The following PRKN variants were observed in gnomAD, a reference collection of about 807,000 sequenced individuals.
PRKN encodes E3 ubiquitin-protein ligase parkin.
A neutral mutation model predicts 59.5 loss-of-function variants in PRKN; 56 were observed. That is an observed-to-expected ratio of 0.94 (90% CI 0.76 to 1.18). PRKN has a LOEUF of 1.18. PRKN is among the 50% of genes most tolerant of loss of function. The pLI is 0.00. For synonymous variants in PRKN, 250 were observed against 222.1 expected, an observed-to-expected ratio of 1.13 and a Z score of -1.12; for missense variants, 657 against 596.4, an observed-to-expected ratio of 1.10 and a Z score of -1.06.
intron 2 of PRKN, among the ~76,000 whole-genome samples, chr6:162,438,150 A>G (rs1789871967): frequency 6.6e-6 from 1 of 152,264 alleles, no homozygotes; most frequent in East Asian, 1.9e-4. Context: ...ATATTTCTTT[A>G]TACATTCTTA....
At chr6:162,521,701 T>C (rs1022465485) in intron 1 of PRKN, among the ~76,000 whole-genome samples, 6 of 152,070 alleles carry the variant, frequency 3.9e-5, no homozygotes, top group African/African-American at 1.4e-4. Context: ...ATATAATGTA[T>C]GTATTATATG....
intron 4 of PRKN, among the ~76,000 whole-genome samples, chr6:162,107,782 G>A (rs1327039061): frequency 6.6e-6 from 1 of 152,068 alleles, no homozygotes; most frequent in African/African-American, 2.4e-5. Flanking sequence ...ACCAGGGCAG[G>A]CAAACCCCAG....
At chr6:161,778,153 T>C (rs935048195) in intron 7 of PRKN, among the ~76,000 whole-genome samples, 1 of 151,986 alleles carries the variant, frequency 6.6e-6, no homozygotes, top group South Asian at 2.1e-4. Flanking sequence ...CATGGGACAT[T>C]TGCTTCTTCC....
At chr6:161,661,966 T>C (rs1250276096) in intron 7 of PRKN, among the ~76,000 whole-genome samples, 1 of 152,030 alleles carries the variant, frequency 6.6e-6, no homozygotes, top group East Asian at 1.9e-4. Flanking sequence ...GAGGTTGCAG[T>C]GAGCCAAGAT....
chr6:161,751,388 T>G (rs1376129730), intron 7 of PRKN, among the ~76,000 whole-genome samples: 1 of 152,220 alleles, frequency 6.6e-6, no homozygotes, highest in African/African-American at 2.4e-5. Context: ...CTATCAAATA[T>G]TAAAGCCTTC....
chr6:162,247,331 AT>A (rs1446607154), intron 3 of PRKN, among the ~76,000 whole-genome samples: 1 of 152,118 alleles, frequency 6.6e-6, no homozygotes, highest in Non-Finnish European at 1.5e-5. Flanking sequence ...AGAATAGGGT[AT>A]TTTTTCCCTA....
rs995622952 is a variant in PRKN, at chr6:161,566,995, C to A, written c.933+2360G>T. ...CCTGACCACCTTATATAAAATTTCA[C>A]CTCTTCCTCCAGTATTCACTGTCCT... On this transcript the variant is annotated intron_variant, in intron 8 of 11. Coordinates refer to ENST00000366898, the MANE Select transcript of PRKN (RefSeq NM_004562.3). The surrounding 1 kb of genome is among the most constrained non-coding windows in gnomAD (Gnocchi z 4.1). Among the ~76,000 whole-genome samples, 5 of 151,258 alleles carry A rather than the reference C, an allele frequency of 3.3e-5. No individual in the cohort carries two copies. Among genetic ancestry groups the A allele is most frequent in the Non-Finnish European group, 7.4e-5 (5 of 67,936 alleles).
chr6:162,535,650 T>C (rs1778685567), intron 1 of PRKN, among the ~76,000 whole-genome samples: 1 of 152,146 alleles, frequency 6.6e-6, no homozygotes, highest in Admixed American at 6.5e-5. Flanking sequence ...GCCTCATGCC[T>C]GTAATCCCAG....
At chr6:162,030,248 T>A (rs1783587122) in intron 5 of PRKN, among the ~76,000 whole-genome samples, 1 of 152,164 alleles carries the variant, frequency 6.6e-6, no homozygotes, top group Non-Finnish European at 1.5e-5. Flanking sequence ...TTCTTCCCAC[T>A]CCTTGACAAA....
At chr6:161,958,221 T>C (rs985727414) in intron 6 of PRKN, among the ~76,000 whole-genome samples, 4 of 152,218 alleles carry the variant, frequency 2.6e-5, no homozygotes, top group African/African-American at 9.6e-5. Flanking sequence ...GGGTAATTTA[T>C]CAGTGACGTT....
chr6:161,608,787 G>A (rs763255936), intron 7 of PRKN, among the ~76,000 whole-genome samples: 12 of 151,736 alleles, frequency 7.9e-5, no homozygotes, highest in Non-Finnish European at 1.8e-4. Flanking sequence ...TGATCCACCC[G>A]CCTCGGCCTC....
At chr6:162,244,665 A>C (rs914176751) in intron 3 of PRKN, among the ~76,000 whole-genome samples, 6 of 152,048 alleles carry the variant, frequency 3.9e-5, no homozygotes, top group African/African-American at 1.4e-4. Flanking sequence ...AAAATAAAAA[A>C]AGATTTTTGG....
intron 6 of PRKN, among the ~76,000 whole-genome samples, chr6:161,857,827 A>G (rs1439509980): frequency 3.9e-5 from 6 of 152,208 alleles, no homozygotes; most frequent in Admixed American, 1.3e-4. Context: ...GTTTACTGCT[A>G]AGGTGTGAGG....
chr6:161,706,508 T>C (rs1286694680), intron 7 of PRKN, among the ~76,000 whole-genome samples: 1 of 152,190 alleles, frequency 6.6e-6, no homozygotes, highest in Non-Finnish European at 1.5e-5. Context: ...TGTTCTAGGA[T>C]GCAACTGGCA....
At chr6:161,589,638 T>C (rs1781643863) in intron 7 of PRKN, among the ~76,000 whole-genome samples, 1 of 151,960 alleles carries the variant, frequency 6.6e-6, no homozygotes, top group African/African-American at 2.4e-5. Flanking sequence ...CCAAAGGATT[T>C]TGCTTCTTTC....
intron 1 of PRKN, among the ~76,000 whole-genome samples, chr6:162,480,229 G>A (rs1792236329): frequency 6.6e-6 from 1 of 152,118 alleles, no homozygotes; most frequent in Non-Finnish European, 1.5e-5. Flanking sequence ...ACGCACACGA[G>A]GAACGCATTG....
chr6:161,784,507 G>A (rs541929836), intron 7 of PRKN, among the ~76,000 whole-genome samples: 1 of 152,234 alleles, frequency 6.6e-6, no homozygotes, highest in East Asian at 1.9e-4. Context: ...ATTCTTATAA[G>A]GAAGAGATAT....
chr6:162,576,445 T>C (rs28360532), intron 1 of PRKN, among the ~76,000 whole-genome samples: 15,574 of 152,236 alleles, frequency 0.1, 942 homozygotes, highest in Middle Eastern at 0.19. Context: ...GAAATGAAAT[T>C]ACCCAGTGTT....
intron 1 of PRKN, among the ~76,000 whole-genome samples, chr6:162,486,299 T>C (rs1178260887): frequency 2.0e-5 from 3 of 152,146 alleles, no homozygotes; most frequent in African/African-American, 4.8e-5. Context: ...TAAGCAAAAA[T>C]GGTATCATAC....
Sources: allele counts gnomAD v4.1 joint callset (sites outside exome capture counted in the v4.1 genomes callset), GRCh38; gene constraint gnomAD v4.1.1; non-coding constraint Gnocchi (gnomAD v3.1); transcripts MANE v1.5; gene names NCBI Gene and HGNC (gene_info 2026-07-23, HGNC 2026-07-21).